DNAH11: variants seen among roughly 807,000 people sequenced by gnomAD.
DNAH11 encodes axonemal beta dynein heavy chain 11.
Under a neutral mutation model 526.0 loss-of-function variants are expected in DNAH11, and 442 were observed. That is an observed-to-expected ratio of 0.84 (90% CI 0.78 to 0.91). The LOEUF (loss-of-function observed/expected upper bound fraction) is 0.91, where lower values mean the gene tolerates loss of function less well. Among genes scored for constraint, DNAH11 ranks in the 40% least tolerant of loss-of-function variants. DNAH11 has a pLI of 0.00. For missense variants in DNAH11, 6,989 were observed against 5,448.7 expected, an observed-to-expected ratio of 1.28 and a Z score of -8.90; for synonymous variants, 2,461 against 1,935.9, an observed-to-expected ratio of 1.27 and a Z score of -7.12.
chr7:21,615,843 G>A (rs960352113), intron 21 of DNAH11, among the ~76,000 whole-genome samples: 1 of 152,012 alleles, frequency 6.6e-6, no homozygotes, highest in Non-Finnish European at 1.5e-5. Flanking sequence ...TGTTTATAAT[G>A]GTTGAAAATT....
intron 2 of DNAH11, among the ~76,000 whole-genome samples, chr7:21,550,297 T>C (rs1382074271): frequency 1.3e-5 from 2 of 152,146 alleles, no homozygotes; most frequent in Non-Finnish European, 2.9e-5. Flanking sequence ...CAGCACCAAG[T>C]TGCCAGGCTG....
At chr7:21,645,133 C>A (rs1014665878) in intron 28 of DNAH11, among the ~76,000 whole-genome samples, 2 of 152,068 alleles carry the variant, frequency 1.3e-5, no homozygotes, top group African/African-American at 4.8e-5. Context: ...GTTATGAGTT[C>A]CAAAAATTAA....
rs1016291153 is a variant in DNAH11 at position 21,786,765 on chromosome 7, A to G, written c.9739A>G (p.Lys3247Glu). ...GAAAGCAGCTAAAGTCTTCATGGGA[A>G]AGGTATCAGCCCAGCCTGGCAAGAT... ...SWKAAKVFMG[K>E]VDDFLQALIN... Residue 3247 changes from lysine (K) to glutamate (E), a missense_variant and splice_region_variant, in exon 59 of 82, where the codon AAG becomes GAG. Physicochemically the swap from Lys to Glu is moderately conservative, Grantham distance 56. Transcript: ENST00000409508. The G allele has an allele frequency of 6.2e-7, 1 of 1,613,756 alleles. No homozygotes were observed. The highest frequency in any genetic ancestry group is 8.5e-7 in the Non-Finnish European group (1 of 1,179,712).
intron 65 of DNAH11, among the ~76,000 whole-genome samples, chr7:21,823,778 A>G (rs569985900): frequency 1.1e-3 from 170 of 152,316 alleles, no homozygotes; most frequent in Middle Eastern, 3.4e-3. Context: ...AACTAAATAT[A>G]TTAGTTAAAA....
intron 75 of DNAH11, among the ~76,000 whole-genome samples, chr7:21,883,880 A>G (rs1056763139): frequency 6.6e-6 from 1 of 152,106 alleles, no homozygotes; most frequent in East Asian, 1.9e-4. Context: ...CATCTCTACA[A>G]AATTTTTAAA....
chr7:21,807,739 C>A, intron 62 of DNAH11, 144 bp from the exon 63 acceptor site: 1 of 616,094 alleles, frequency 1.6e-6, no homozygotes, highest in Non-Finnish European at 2.6e-6. Context: ...AAGATTATAA[C>A]AGTCACACCA....
intron 61 of DNAH11, among the ~76,000 whole-genome samples, chr7:21,789,763 CTCTTTCTTTCTT>C (rs1554281334): frequency 1.2e-4 from 9 of 73,000 alleles, no homozygotes; most frequent in Admixed American, 4.9e-4. Context: ...ATTTCTTTCT[CTCTTTCTTTCTT>C]TCTTTCTTTC....
chr7:21,784,248 A>G (rs1183544268), intron 57 of DNAH11, among the ~76,000 whole-genome samples, 179 bp from the exon 58 acceptor site: 2 of 152,232 alleles, frequency 1.3e-5, no homozygotes, highest in African/African-American at 4.8e-5. Flanking sequence ...TTACATGTAC[A>G]AAACTTTGTA....
intron 6 of DNAH11, among the ~76,000 whole-genome samples, chr7:21,567,756 T>C (rs1783731454): frequency 6.6e-6 from 1 of 152,230 alleles, no homozygotes; most frequent in Non-Finnish European, 1.5e-5. Context: ...TAAAAGCAAA[T>C]GTATTTCTTT....
At chr7:21,632,130 A>T (rs952454282) in intron 25 of DNAH11, among the ~76,000 whole-genome samples, 5 of 152,108 alleles carry the variant, frequency 3.3e-5, no homozygotes. Flanking sequence ...CCCGAGCTCT[A>T]TGTTGGCCCC....
chr7:21,559,093 G>T, intron 3 of DNAH11, 95 bp downstream of exon 3: 2 of 1,072,650 alleles, frequency 1.9e-6, no homozygotes, highest in Non-Finnish European at 2.7e-6. Context: ...GGAGGCTGAG[G>T]TGGGAGGGTT....
intron 65 of DNAH11, among the ~76,000 whole-genome samples, chr7:21,836,629 C>G (rs1378671669): frequency 1.1e-4 from 16 of 151,956 alleles, no homozygotes; most frequent in Non-Finnish European, 2.1e-4. Context: ...ATACCTGAAA[C>G]TATAAAACTA....
intron 65 of DNAH11, among the ~76,000 whole-genome samples, chr7:21,841,464 G>A (rs868531297): frequency 4.6e-5 from 7 of 152,260 alleles, no homozygotes; most frequent in South Asian, 2.1e-4. Flanking sequence ...TGCTTGCTGG[G>A]ACCACTGTCT....
intron 61 of DNAH11, among the ~76,000 whole-genome samples, chr7:21,789,779 T>TTC (rs1389542474): frequency 1.2e-5 from 1 of 84,720 alleles, no homozygotes; most frequent in Non-Finnish European, 2.5e-5. Flanking sequence ...CTTTCTTTCT[T>TTC]TCTTTCTTTC....
chr7:21,658,555 C>T (rs1782115413), intron 29 of DNAH11, among the ~76,000 whole-genome samples: 1 of 152,042 alleles, frequency 6.6e-6, no homozygotes, highest in Non-Finnish European at 1.5e-5. Flanking sequence ...AGTTGTTAGC[C>T]AGCTGGTGGG....
intron 30 of DNAH11, among the ~76,000 whole-genome samples, chr7:21,675,002 C>G (rs1422736352): frequency 2.0e-5 from 3 of 152,220 alleles, no homozygotes; most frequent in Non-Finnish European, 4.4e-5. Flanking sequence ...TCTCCAACTG[C>G]TTTGATAATG....
chr7:21,699,520 A>T (rs931155625), intron 36 of DNAH11, among the ~76,000 whole-genome samples: 1 of 152,170 alleles, frequency 6.6e-6, no homozygotes, highest in African/African-American at 2.4e-5. Context: ...CCTTACTGCC[A>T]CGTATTTATT....
intron 49 of DNAH11, among the ~76,000 whole-genome samples, chr7:21,743,375 A>G (rs1220751185): frequency 6.6e-6 from 1 of 152,224 alleles, no homozygotes; most frequent in East Asian, 1.9e-4. Flanking sequence ...TGGTAAAAGG[A>G]CAGTGTTTAT....
chr7:21,651,916 G>A (rs1006980097), intron 28 of DNAH11, among the ~76,000 whole-genome samples: 1 of 152,214 alleles, frequency 6.6e-6, no homozygotes, highest in South Asian at 2.1e-4. Flanking sequence ...TCAGTGATTA[G>A]CCACTGTGCT....
Sources: allele counts gnomAD v4.1 joint callset (sites outside exome capture counted in the v4.1 genomes callset), GRCh38; gene constraint gnomAD v4.1.1; transcripts MANE v1.5; gene names NCBI Gene and HGNC (gene_info 2026-07-23, HGNC 2026-07-21).